VPS13A: variants seen among roughly 807,000 people sequenced by gnomAD.
The protein encoded by VPS13A is intermembrane lipid transfer protein VPS13A.
A neutral mutation model predicts 390.9 loss-of-function variants in VPS13A; 264 were observed. That is an observed-to-expected ratio of 0.68 (90% confidence interval 0.61 to 0.75). The LOEUF (loss-of-function observed/expected upper bound fraction) is 0.75, where lower values mean the gene tolerates loss of function less well. Ranked by LOEUF, VPS13A falls within the 30% of genes least tolerant of loss-of-function variation. The pLI, the probability that VPS13A is intolerant of heterozygous loss-of-function variation, is 0.00. For missense variants in VPS13A, 3,409 were observed against 3,733.9 expected, an observed-to-expected ratio of 0.91 and a Z score of 2.27; for synonymous variants, 1,231 against 1,227.1, an observed-to-expected ratio of 1.00 and a Z score of -0.07.
chr9:77,234,770 AATT>A (rs761344614), intron 17 of VPS13A, among the ~76,000 whole-genome samples: 3 of 152,024 alleles, frequency 2.0e-5, no homozygotes, highest in South Asian at 4.2e-4. Context: ...AGTGTTTGTT[AATT>A]TTTTGGGGGA....
At chr9:77,398,813 T>TTA (rs1184643269) in intron 68 of VPS13A, among the ~76,000 whole-genome samples, 2 of 152,034 alleles carry the variant, frequency 1.3e-5, no homozygotes, top group African/African-American at 4.8e-5. Flanking sequence ...GTCACTCTAA[T>TTA]AACAAAGGAT....
Position 77,381,986 on chromosome 9 carries a change from A to C in VPS13A, c.9088A>C (p.Thr3030Pro), listed in dbSNP as rs1455519045. 1 of 1,603,348 alleles carries C rather than the reference A, an allele frequency of 6.2e-7. No individual in the cohort carries two copies. The highest frequency in any genetic ancestry group is 1.3e-5 in the African/African-American group (1 of 74,746). Residue 3030 changes from threonine to proline, a missense_variant, in exon 68 of 72, where the codon ACT becomes CCT. Thr to Pro is a conservative substitution (Grantham distance 38, BLOSUM62 -1). Around this residue, in one of 5 missense-constraint regions of VPS13A, gnomAD observed 318 missense variants for 333.7 expected, o/e 0.95. Coordinates refer to ENST00000360280, the MANE Select transcript of VPS13A (RefSeq NM_033305.3). The stretch of plus-strand genomic sequence containing the variant: ...TTTTTTTTCCTCTAGAGCTACAGAG[A>C]CTTCTGAAGTGGAGAGTCTGCGACC... Reference protein sequence around the residue: ...TFQGIKRATETSEVESLRPPR... With the variant: ...TFQGIKRATEPSEVESLRPPR...
At position 77,314,514 on chromosome 9, in the gene VPS13A, G is replaced by A. The variant is rs1829275011; in HGVS notation, c.4262G>A (p.Arg1421His). The change falls in exon 37 of 72, where the codon CGT becomes CAT. Residue 1421 changes from arginine to histidine, a missense_variant. By Grantham distance (29) the Arg-to-His change is conservative. Transcript: ENST00000360280. ...GPKQASFTDV[R>H]DPSLKLAEFK... The stretch of plus-strand genomic sequence containing the variant: ...TCATAGGCTTCCTTTACAGATGTTC[G>A]TGATCCTTCTCTGAAACTTGCTGAA... The A allele has an allele frequency of 6.2e-6, 10 of 1,611,844 alleles. No individual in the cohort carries two copies. Among genetic ancestry groups the A allele is most frequent in the East Asian group, 2.2e-5 (1 of 44,732 alleles).
chr9:77,218,758 T>C (rs1823009946), intron 10 of VPS13A, among the ~76,000 whole-genome samples: 1 of 151,860 alleles, frequency 6.6e-6, no homozygotes, highest in Non-Finnish European at 1.5e-5. Flanking sequence ...ACTCTAAAAG[T>C]GTATGAATCA....
intron 7 of VPS13A, among the ~76,000 whole-genome samples, chr9:77,212,159 C>G (rs531322610): frequency 2.0e-5 from 3 of 152,274 alleles, no homozygotes; most frequent in African/African-American, 4.8e-5. Context: ...AAATAAAGAT[C>G]TGATCACTTT....
At chr9:77,333,127 GTAAGATATATT>G (rs1830364295) in intron 46 of VPS13A, among the ~76,000 whole-genome samples, 1 of 152,092 alleles carries the variant, frequency 6.6e-6, no homozygotes, top group Non-Finnish European at 1.5e-5. Context: ...AATATGGCAT[GTAAGATATATT>G]TAAAAATTTC....
At chr9:77,344,591 A>G (rs923916975) in intron 51 of VPS13A, among the ~76,000 whole-genome samples, 1 of 152,062 alleles carries the variant, frequency 6.6e-6, no homozygotes, top group Non-Finnish European at 1.5e-5. Context: ...CCCTGTCTCT[A>G]CTAAAGAAAT....
intron 68 of VPS13A, among the ~76,000 whole-genome samples, chr9:77,396,734 A>C (rs1419506918): frequency 6.6e-6 from 1 of 152,166 alleles, no homozygotes; most frequent in Non-Finnish European, 1.5e-5. Flanking sequence ...TCTAAAGATA[A>C]GATTGTTTTG....
intron 39 of VPS13A, 67 bp downstream of exon 39, chr9:77,316,473 A>G: frequency 7.4e-7 from 1 of 1,357,694 alleles, no homozygotes. Flanking sequence ...CCATTTTAGG[A>G]AACAAAAACT....
intron 50 of VPS13A, among the ~76,000 whole-genome samples, chr9:77,343,889 A>C (rs556164638): frequency 3.9e-5 from 6 of 152,180 alleles, no homozygotes. Context: ...TCATGACCAC[A>C]TTAAAGTCTC....
At chr9:77,368,279 T>C in intron 62 of VPS13A, 143 bp downstream of exon 62, 1 of 734,150 alleles carries the variant, frequency 1.4e-6, no homozygotes, top group Non-Finnish European at 2.2e-6. Context: ...TCCTCAGAAT[T>C]ATAAAAAGAA....
intron 19 of VPS13A, among the ~76,000 whole-genome samples, chr9:77,246,584 A>G (rs1318255126): frequency 6.6e-6 from 1 of 151,980 alleles, no homozygotes; most frequent in African/African-American, 2.4e-5. Flanking sequence ...TGCTCATATA[A>G]TTTTTTCTTT....
chr9:77,326,832 A>G (rs1830039915), intron 45 of VPS13A, among the ~76,000 whole-genome samples: 1 of 151,664 alleles, frequency 6.6e-6, no homozygotes, highest in African/African-American at 2.4e-5. Context: ...TTTCTTTTAG[A>G]CGGATCTTTA....
At chr9:77,270,826 G>A (rs1826312542) in intron 23 of VPS13A, among the ~76,000 whole-genome samples, 1 of 152,220 alleles carries the variant, frequency 6.6e-6, no homozygotes, top group African/African-American at 2.4e-5. Context: ...CATGTGGAAA[G>A]TAAATTAATT....
In VPS13A at chr9:77,318,294, G is replaced by C. The variant is rs376617387; in HGVS notation, c.5016G>C (p.Lys1672Asn). The C allele has an allele frequency of 6.2e-7, 1 of 1,609,530 alleles. No homozygotes were observed. Among genetic ancestry groups the C allele is most frequent in the Non-Finnish European group, 8.5e-7 (1 of 1,178,844 alleles). Residue 1672 changes from lysine (K) to asparagine (N), a missense_variant, in exon 41 of 72, where the codon AAG (lysine) becomes AAC (asparagine). Physicochemically the swap from Lys to Asn is moderately conservative, Grantham distance 94. Around this residue, in one of 5 missense-constraint regions of VPS13A, gnomAD observed 2,717 missense variants for 2,917.4 expected, o/e 0.93. Transcript: ENST00000360280. ...TAACTTCAGCACTGTATACAACTAA[G>C]GAAACCATCCCAGAAGAAACGGCTT... ...ITITSALYTT[K>N]ETIPEETASS...
Position 77,357,798 on chromosome 9 carries a change from C to A in VPS13A, c.7913C>A (p.Ala2638Glu). ...TTAAAAGTGGAATATAACACATCTG[C>A]ACATCAATCATCATTTAGAATTCAG... ...PALKVEYNTS[A>E]HQSSFRIQIY... The change falls in exon 56 of 72, where the codon GCA becomes GAA. Residue 2638 changes from alanine (A) to glutamate (E), a missense_variant. By Grantham distance (107) the Ala-to-Glu change is moderately radical (BLOSUM62 -1). Transcript: ENST00000360280. 6.2e-7 allele frequency: 1 copy of A among 1,613,506 alleles called. No homozygotes were observed. Among genetic ancestry groups the A allele is most frequent in the Non-Finnish European group, 8.5e-7 (1 of 1,179,792 alleles).
rs115557456 is a variant in VPS13A, at chr9:77,302,764, A to T, written c.3813-151A>T. ...CATCACTCAACTCATTTTGACAGAT[A>T]AAAAAAAAGTCTGATAGATATTTTC... On this transcript the variant is annotated intron_variant, in intron 33 of 71. Transcript: ENST00000360280. The T allele has an allele frequency of 7.2e-3, 5,027 of 701,452 alleles. 23 individuals carry two copies. The highest frequency in any genetic ancestry group is 0.013 in the African/African-American group (725 of 54,840). 43.5% of individuals were successfully genotyped at this position (701,452 alleles called of 1,614,324 possible). A position where few individuals can be genotyped will look rare whatever the true frequency, so the allele number is the denominator to read the frequency against.
chr9:77,190,261 A>G lies in VPS13A; in HGVS notation c.101-9684A>G, dbSNP rs115476274. Among the ~76,000 whole-genome samples the G allele has an allele frequency of 1.0e-2, 1,517 of 152,276 alleles. 27 individuals are homozygous for G. The highest frequency in any genetic ancestry group is 0.035 in the African/African-American group (1,438 of 41,550). On this transcript the variant is annotated intron_variant, in intron 1 of 71. Coordinates refer to ENST00000360280, the MANE Select transcript of VPS13A (RefSeq NM_033305.3). ...TAGATGGCTCTTATTATTTCCAGGTATATTCCTTTGATGCTTAGTCTTTTG... is the reference window on the plus strand; with the variant it reads ...TAGATGGCTCTTATTATTTCCAGGTGTATTCCTTTGATGCTTAGTCTTTTG...
chr9:77,261,590 T>A (rs866607504), intron 23 of VPS13A, among the ~76,000 whole-genome samples: 9 of 137,158 alleles, frequency 6.6e-5, no homozygotes, highest in East Asian at 2.0e-4. Flanking sequence ...AAAAAAAAAA[T>A]TTTTTTTTTT....
Sources: allele counts gnomAD v4.1 joint callset (sites outside exome capture counted in the v4.1 genomes callset), GRCh38; gene constraint gnomAD v4.1.1; regional missense constraint gnomAD v4.1.1; transcripts MANE v1.5; gene names NCBI Gene and HGNC (gene_info 2026-07-23, HGNC 2026-07-21).